The following ZNF569 variants were observed in gnomAD, a reference collection of about 807,000 sequenced individuals.
ZNF569 encodes DNA-binding protein.
ZNF569 carries 38 observed loss-of-function variants against 56.3 expected under a neutral mutation model. That is an observed-to-expected ratio of 0.68 (90% CI 0.52 to 0.88). The LOEUF is 0.88. Among genes scored for constraint, ZNF569 ranks in the 40% least tolerant of loss-of-function variants. The pLI is 0.00. For missense variants in ZNF569, 666 were observed against 809.2 expected (o/e 0.82, Z 2.15); for synonymous variants, 241 against 262.9 (o/e 0.92, Z 0.81).
chr19:37,426,157 T>C, intron 4 of ZNF569, 95 bp downstream of exon 4: 3 of 1,443,488 alleles, frequency 2.1e-6, no homozygotes, highest in Non-Finnish European at 2.8e-6. Context: ...AAGCTCACTC[T>C]AATATTTAAA....
intron 2 of ZNF569, among the ~76,000 whole-genome samples, chr19:37,448,723 C>T (rs188917263): frequency 3.2e-4 from 49 of 151,986 alleles, no homozygotes; most frequent in African/African-American, 1.2e-3. Context: ...GCAACCACGC[C>T]CGGCTGATTT....
chr19:37,463,656 G>T (rs1457900276), intron 2 of ZNF569, among the ~76,000 whole-genome samples: 1 of 152,134 alleles, frequency 6.6e-6, no homozygotes, highest in Non-Finnish European at 1.5e-5. Context: ...GCCTCAAGCA[G>T]GTCCTTCCAG....
At chr19:37,440,409 GGCTAGGA>G (rs1285789412) in intron 3 of ZNF569, among the ~76,000 whole-genome samples, 1 of 152,020 alleles carries the variant, frequency 6.6e-6, no homozygotes, top group Non-Finnish European at 1.5e-5. Context: ...GTTTGCCAGG[GGCTAGGA>G]GTGAGAGAGG....
intron 2 of ZNF569, among the ~76,000 whole-genome samples, chr19:37,461,264 T>C (rs1474702605): frequency 6.6e-6 from 1 of 151,968 alleles, no homozygotes; most frequent in Non-Finnish European, 1.5e-5. Context: ...AAAACCGGTA[T>C]AGTGGTAAGA....
chr19:37,466,462 T>C (rs1301519545), intron 1 of ZNF569, among the ~76,000 whole-genome samples: 2 of 151,980 alleles, frequency 1.3e-5, no homozygotes, highest in African/African-American at 2.4e-5. Flanking sequence ...AAACCCCGTC[T>C]CTACTAAAAA....
chr19:37,429,150 A>G (rs189878824), intron 3 of ZNF569, among the ~76,000 whole-genome samples: 125 of 152,336 alleles, frequency 8.2e-4, no homozygotes, highest in African/African-American at 2.9e-3. Context: ...GTCTGCTGAA[A>G]TAAGTATTAA....
In ZNF569 at chr19:37,420,881, C is replaced by T. The variant is rs377030874; in HGVS notation, c.238+4987G>A. Among the ~76,000 whole-genome samples the T allele has an allele frequency of 2.2e-4, 34 of 152,230 alleles. 1 individual carries two copies. Among genetic ancestry groups the T allele is most frequent in the East Asian group, 1.2e-3 (6 of 5,180 alleles). On this transcript the variant is annotated intron_variant, in intron 5 of 5. Coordinates refer to ENST00000316950, the MANE Select transcript of ZNF569 (RefSeq NM_152484.3). ...AGCTATTACATTACAGAATGTATTT[C>T]GTAAATAATAAGACTTGAAAGTCAA...
chr19:37,442,263 C>A (rs1288718303), intron 3 of ZNF569, among the ~76,000 whole-genome samples: 1 of 152,088 alleles, frequency 6.6e-6, no homozygotes, highest in Non-Finnish European at 1.5e-5. Context: ...CAAAGACAAC[C>A]TTGAGGAAGA....
In ZNF569 at chr19:37,413,517, GT is replaced by G. The variant is rs1347791238; in HGVS notation, c.1140del (p.Lys380AsnfsTer22). ...IIHVRIHTGE[K>X]PYECNECGKA... ...TTTCCACACTCATTACATTCATAGG[GT>G]TTTTCACCTGTATGAATTCTAACAT... On this transcript the variant is annotated frameshift_variant, in exon 6 of 6. Transcript: ENST00000316950. LOFTEE classifies it high-confidence loss of function. The G allele has an allele frequency of 1.2e-6, 2 of 1,613,142 alleles. No individual in the cohort carries two copies. The highest frequency in any genetic ancestry group is 2.7e-5 in the African/African-American group (2 of 74,812).
intron 3 of ZNF569, among the ~76,000 whole-genome samples, chr19:37,428,553 G>A (rs531582075): frequency 2.8e-4 from 41 of 146,160 alleles, no homozygotes; most frequent in Admixed American, 1.1e-3. Flanking sequence ...AAAGCTGATA[G>A]TTTAAGAAGA....
At chr19:37,450,703 G>A (rs1382789173) in intron 2 of ZNF569, among the ~76,000 whole-genome samples, 1 of 151,962 alleles carries the variant, frequency 6.6e-6, no homozygotes, top group Non-Finnish European at 1.5e-5. Flanking sequence ...CTAGTTCCTT[G>A]AGATGTAAAG....
chr19:37,413,551 A>T lies in ZNF569; in HGVS notation c.1107T>A (p.Leu369=). ...CTGTATGAATTCTAACATGTATAAT[A>T]AGCATGGAAAACTGAGAGAAGGCTT... ...CGKAFSQFSM[L]IIHVRIHTGE... Residue 369 remains leucine (L), a synonymous_variant, in exon 6 of 6, where the codon CTT becomes CTA. Coordinates refer to ENST00000316950, the MANE Select transcript of ZNF569 (RefSeq NM_152484.3). 1 of 1,613,230 alleles carries T rather than the reference A, an allele frequency of 6.2e-7. No homozygotes were observed. The highest frequency in any genetic ancestry group is 8.5e-7 in the Non-Finnish European group (1 of 1,179,692).
At chr19:37,461,470 C>T (rs765874048) in intron 2 of ZNF569, among the ~76,000 whole-genome samples, 10 of 151,932 alleles carry the variant, frequency 6.6e-5, no homozygotes, top group East Asian at 1.9e-4. Context: ...TCATGCCCAG[C>T]GAATTTTTGT....
chr19:37,452,037 T>C (rs1258405675), intron 2 of ZNF569, among the ~76,000 whole-genome samples: 1 of 152,234 alleles, frequency 6.6e-6, no homozygotes, highest in Non-Finnish European at 1.5e-5. Flanking sequence ...TTTTGTTAGT[T>C]TTTTGTATTG....
chr19:37,424,629 C>A (rs1404017063), intron 5 of ZNF569, among the ~76,000 whole-genome samples: 1 of 151,598 alleles, frequency 6.6e-6, no homozygotes, highest in Non-Finnish European at 1.5e-5. Flanking sequence ...GCCTGGCCAA[C>A]ATAGTGAAAC....
At chr19:37,441,684 C>CT (rs2041409611) in intron 3 of ZNF569, among the ~76,000 whole-genome samples, 1 of 151,926 alleles carries the variant, frequency 6.6e-6, no homozygotes, top group East Asian at 1.9e-4. Flanking sequence ...CAAGATGCTC[C>CT]TACATGCATG....
chr19:37,469,248 A>G (rs2041909888), upstream of ZNF569: 5 of 1,383,908 alleles, frequency 3.6e-6, no homozygotes, highest in Admixed American at 6.2e-5. Flanking sequence ...GCTGCCAGAC[A>G]CTGCGACGCC....
intron 2 of ZNF569, among the ~76,000 whole-genome samples, chr19:37,462,806 T>C (rs754579501): frequency 9.9e-5 from 15 of 152,196 alleles, no homozygotes; most frequent in Non-Finnish European, 1.9e-4. Flanking sequence ...CCTCATTCAG[T>C]CTCGTGTTAA....
In ZNF569 at chr19:37,412,703, T is replaced by G; in HGVS notation, c.1955A>C (p.His652Pro). ...CTTCTCACCTGTATGTTTTCTCATA[T>G]GAAGGGTAAGAGATGAGATTTGAGA... is the stretch of plus-strand genomic sequence containing the variant. ...AFSQISSLTL[H>P]MRKHTGEKPY... Residue 652 changes from histidine to proline, a missense_variant, in exon 6 of 6, where the codon CAT becomes CCT. Coordinates refer to ENST00000316950, the MANE Select transcript of ZNF569 (RefSeq NM_152484.3). The G allele has an allele frequency of 6.2e-7, 1 of 1,614,156 alleles. No homozygotes were observed. Among genetic ancestry groups the G allele is most frequent in the South Asian group, 1.1e-5 (1 of 91,082 alleles).
Sources: gnomAD v4.1 joint callset for allele counts (sites outside exome capture counted in the v4.1 genomes callset) on GRCh38, gnomAD v4.1.1 for gene constraint, MANE v1.5 for transcripts, NCBI Gene and HGNC (gene_info 2026-07-23, HGNC 2026-07-21) for gene names.